Variants in OXR1 observed in about 807,000 individuals in gnomAD.
OXR1 encodes oxidation resistance 1, also known as oxidation resistance protein 1.
Under a neutral mutation model 104.6 loss-of-function variants are expected in OXR1, and 41 were observed. The ratio of observed to expected loss-of-function variants is 0.39; its 90% CI spans 0.31 to 0.51. OXR1 has a LOEUF of 0.51. OXR1 is among the 20% of genes least tolerant of loss of function. The pLI is 0.77. For synonymous variants in OXR1, 348 were observed against 348.4 expected (o/e 1.00, Z 0.01); for missense variants, 955 against 1,031.9 (o/e 0.93, Z 1.02).
In OXR1 at chr8:106,649,267, G is replaced by GT. The variant is rs200944491; in HGVS notation, c.221-29933dup. ...ACACAATATGTTCCCATTTGTGTGGGTTTTTTTTTTAAAGAAACACACATG... is the reference window on the plus strand; with the variant it reads ...ACACAATATGTTCCCATTTGTGTGGGTTTTTTTTTTTAAAGAAACACACATG... On this transcript the variant is annotated intron_variant, in intron 3 of 16. Transcript: ENST00000517566. Among the ~76,000 whole-genome samples, 440 of 148,120 alleles carry GT rather than the reference G, an allele frequency of 3.0e-3. 1 individual carries two copies. Among genetic ancestry groups the GT allele is most frequent in the African/African-American group, 9.8e-3 (397 of 40,432 alleles).
intron 1 of OXR1, among the ~76,000 whole-genome samples, chr8:106,299,179 C>T (rs1813129025): frequency 6.6e-6 from 1 of 151,862 alleles, no homozygotes; most frequent in Non-Finnish European, 1.5e-5. Context: ...TCATTTCATT[C>T]TGGACTGAGG....
At chr8:106,390,124 A>G (rs1403673882) in intron 2 of OXR1, among the ~76,000 whole-genome samples, 1 of 152,088 alleles carries the variant, frequency 6.6e-6, no homozygotes, top group Non-Finnish European at 1.5e-5. Flanking sequence ...ACTTAATTAT[A>G]ATTTTTACTT....
intron 2 of OXR1, among the ~76,000 whole-genome samples, chr8:106,513,635 A>T (rs542027381): frequency 6.6e-6 from 1 of 152,210 alleles, no homozygotes; most frequent in East Asian, 1.9e-4. Flanking sequence ...TTCAGTGTTT[A>T]TCGAAAGTGG....
intron 3 of OXR1, among the ~76,000 whole-genome samples, chr8:106,623,441 C>G (rs745820575): frequency 6.6e-6 from 1 of 151,728 alleles, no homozygotes; most frequent in Non-Finnish European, 1.5e-5. Context: ...CATTGAATGC[C>G]TATTATATTC....
chr8:106,289,528 GA>G (rs1812656795), intron 1 of OXR1, among the ~76,000 whole-genome samples: 1 of 152,110 alleles, frequency 6.6e-6, no homozygotes. Flanking sequence ...CAAATAAATA[GA>G]AAAACATTCA....
chr8:106,594,885 G>T (rs1819394405), intron 3 of OXR1, among the ~76,000 whole-genome samples: 1 of 152,158 alleles, frequency 6.6e-6, no homozygotes, highest in African/African-American at 2.4e-5. Context: ...ATTGGCAGGG[G>T]AATTGTTGGA....
chr8:106,454,689 C>T (rs1008199208), intron 2 of OXR1, among the ~76,000 whole-genome samples: 3 of 151,928 alleles, frequency 2.0e-5, no homozygotes, highest in African/African-American at 7.2e-5. Context: ...TTGTCTTATT[C>T]GTGGAATCAA....
intron 3 of OXR1, among the ~76,000 whole-genome samples, chr8:106,549,625 T>C (rs1472345403): frequency 6.6e-6 from 1 of 152,208 alleles, no homozygotes; most frequent in Non-Finnish European, 1.5e-5. Context: ...TTCATGGTTC[T>C]AGATGCTGGA....
chr8:106,737,595 C>T lies in OXR1; in HGVS notation c.2032C>T (p.Leu678Phe). 2 of 1,385,560 alleles carry T rather than the reference C, an allele frequency of 1.4e-6. No individual in the cohort carries two copies. Among genetic ancestry groups the T allele is most frequent in the Non-Finnish European group, 1.9e-6 (2 of 1,056,070 alleles). The allele number at this position is 1,385,560 out of a possible 1,614,324, so 85.8% of individuals were successfully genotyped here. A position where few individuals can be genotyped will look rare whatever the true frequency, so the allele number is the denominator to read the frequency against. ...AGAACTGCGCACACTCTGCAGACGC[C>T]TCCAGGTGCCCCCTTCAGTAGTTTA... ...TEELRTLCRR[L>F]QITTREDINS... is the part of the protein sequence containing the mutation. Residue 678 changes from leucine to phenylalanine, a missense_variant, in exon 12 of 17, where the codon CTC (leucine) becomes TTC (phenylalanine). This residue lies in a region of OXR1 where 849 missense variants were observed against 852.9 expected (regional missense o/e 1.00). Coordinates refer to ENST00000517566, the MANE Select transcript of OXR1 (RefSeq NM_001198533.2).
chr8:106,302,090 T>C (rs1367500753), intron 1 of OXR1, among the ~76,000 whole-genome samples: 2 of 152,178 alleles, frequency 1.3e-5, no homozygotes, highest in African/African-American at 4.8e-5. Flanking sequence ...CCTGGGAGTG[T>C]TGGCCTCCTA....
At chr8:106,488,999 G>A (rs535048147) in intron 2 of OXR1, among the ~76,000 whole-genome samples, 2,901 of 149,530 alleles carry the variant, frequency 0.019, 89 homozygotes, top group African/African-American at 0.067. Flanking sequence ...CATTGAATCT[G>A]TAAATTACCT....
intron 7 of OXR1, among the ~76,000 whole-genome samples, chr8:106,694,977 AAT>A (rs994260434): frequency 1.2e-5 from 1 of 86,804 alleles, no homozygotes; most frequent in Non-Finnish European, 2.3e-5. Context: ...TGTATATTAT[AAT>A]ATATATCTTT....
intron 8 of OXR1, 76 bp downstream of exon 8, chr8:106,703,166 T>G: frequency 1.1e-6 from 1 of 884,688 alleles, no homozygotes; most frequent in South Asian, 2.2e-5. Context: ...CCTTAACTAT[T>G]TTTACTAGTT....
chr8:106,375,250 A>C (rs1434792983), intron 2 of OXR1, among the ~76,000 whole-genome samples: 1 of 152,228 alleles, frequency 6.6e-6, no homozygotes, highest in Non-Finnish European at 1.5e-5. Context: ...CACTGTAAAG[A>C]CGATGATATA....
At chr8:106,283,898 A>G (rs1563693701) in intron 1 of OXR1, among the ~76,000 whole-genome samples, 1 of 152,250 alleles carries the variant, frequency 6.6e-6, no homozygotes, top group South Asian at 2.1e-4. Context: ...TGATGTATTC[A>G]AGGAATGCTA....
intron 3 of OXR1, among the ~76,000 whole-genome samples, chr8:106,631,636 A>G (rs1822696239): frequency 6.6e-6 from 1 of 152,184 alleles, no homozygotes; most frequent in Non-Finnish European, 1.5e-5. Context: ...TGAACATGTA[A>G]TATGTTTTAA....
chr8:106,328,407 A>C (rs1276438734), intron 1 of OXR1, among the ~76,000 whole-genome samples: 2 of 152,230 alleles, frequency 1.3e-5, no homozygotes, highest in Non-Finnish European at 2.9e-5. Context: ...TTTCACAATA[A>C]AGGGAAAGAT....
intron 3 of OXR1, among the ~76,000 whole-genome samples, chr8:106,593,633 C>A (rs547810710): frequency 1.1e-4 from 16 of 152,154 alleles, no homozygotes; most frequent in African/African-American, 3.6e-4. Context: ...AAAAATTAGC[C>A]GGGTGTGGTG....
intron 1 of OXR1, among the ~76,000 whole-genome samples, chr8:106,294,053 T>A (rs1439391838): frequency 1.3e-5 from 2 of 151,164 alleles, no homozygotes; most frequent in African/African-American, 2.4e-5. Flanking sequence ...ACTTTGTGTT[T>A]ATGAAGTAGG....
Sources: allele counts gnomAD v4.1 joint callset (sites outside exome capture counted in the v4.1 genomes callset), GRCh38; gene constraint gnomAD v4.1.1; regional missense constraint gnomAD v4.1.1; transcripts MANE v1.5; gene names NCBI Gene and HGNC (gene_info 2026-07-23, HGNC 2026-07-21).